Variants in OR3A2 observed in about 807,000 individuals in gnomAD.
OR3A2 encodes the protein olfactory receptor family 3 subfamily A member 2.
For synonymous variants in OR3A2, 126 were observed against 159.3 expected, an observed-to-expected ratio of 0.79 and a Z score of 1.57; for missense variants, 318 against 392.8, an observed-to-expected ratio of 0.81 and a Z score of 1.61.
At chr17:3,343,746 G>A (rs1229286283) in intron 2 of OR3A2, among the ~76,000 whole-genome samples, 1 of 152,096 alleles carries the variant, frequency 6.6e-6, no homozygotes, top group African/African-American at 2.4e-5. Context: ...AGCTTGCTTA[G>A]TGTCATATCA....
intron 2 of OR3A2, among the ~76,000 whole-genome samples, chr17:3,358,667 T>C (rs976881815): frequency 7.9e-5 from 12 of 151,806 alleles, no homozygotes; most frequent in Admixed American, 7.2e-4. Context: ...TTGGTTCTAT[T>C]ACATTTGTTG....
intron 3 of OR3A2, among the ~76,000 whole-genome samples, chr17:3,307,067 T>C (rs1021819101): frequency 6.6e-6 from 1 of 152,140 alleles, no homozygotes; most frequent in Non-Finnish European, 1.5e-5. Context: ...ACACAGGCAT[T>C]AGGGTCAACA....
At chr17:3,296,831 C>T (rs949100415) in intron 3 of OR3A2, among the ~76,000 whole-genome samples, 1 of 152,146 alleles carries the variant, frequency 6.6e-6, no homozygotes, top group Non-Finnish European at 1.5e-5. Context: ...ACCAACATTC[C>T]GCCATCCCCA....
At chr17:3,283,426 T>C (rs868643491) in intron 1 of OR3A2, among the ~76,000 whole-genome samples, 1 of 152,176 alleles carries the variant, frequency 6.6e-6, no homozygotes, top group East Asian at 1.9e-4. Flanking sequence ...GGTTTCTCCA[T>C]GTTGATCAGG....
intron 1 of OR3A2, among the ~76,000 whole-genome samples, chr17:3,281,202 C>A (rs1055605813): frequency 9.9e-5 from 15 of 151,740 alleles, no homozygotes; most frequent in Admixed American, 4.6e-4. Flanking sequence ...CCGATTAAAT[C>A]AGAATCTCCC....
intron 3 of OR3A2, among the ~76,000 whole-genome samples, chr17:3,334,343 A>G (rs2049262166): frequency 6.6e-6 from 1 of 152,142 alleles, no homozygotes; most frequent in Non-Finnish European, 1.5e-5. Flanking sequence ...CTATTCTACT[A>G]TCGTCATGAA....
At chr17:3,333,595 T>C (rs900009339) in intron 3 of OR3A2, among the ~76,000 whole-genome samples, 1 of 152,174 alleles carries the variant, frequency 6.6e-6, no homozygotes, top group Non-Finnish European at 1.5e-5. Flanking sequence ...GCTGTAAAAT[T>C]CCTCTCTTTG....
Position 3,328,541 on chromosome 17 carries a change from C to T in OR3A2, c.-85+7492G>A, listed in dbSNP as rs949003924. Among the ~76,000 whole-genome samples, 14 of 141,956 alleles carry T rather than the reference C, an allele frequency of 9.9e-5. No individual in the cohort carries two copies. The East Asian group carries it at 1.0e-3, about 10-fold the overall frequency. 93.1% of individuals were successfully genotyped at this position (141,956 alleles called of 152,430 possible). Reference sequence around the variant, plus strand: ...GACTTCCTCTTTTCCTAATTGAATACCCTTTATTTCCTTCTCCTGCCTAAT... The same window carrying T: ...GACTTCCTCTTTTCCTAATTGAATATCCTTTATTTCCTTCTCCTGCCTAAT... On this transcript the variant is annotated intron_variant, in intron 3 of 4. Transcript: ENST00000573491.
intron 2 of OR3A2, among the ~76,000 whole-genome samples, chr17:3,343,020 G>A (rs750611022): frequency 5.3e-5 from 8 of 152,336 alleles, no homozygotes; most frequent in South Asian, 2.1e-4. Context: ...GGACTGCTGC[G>A]CTAGCAGTGA....
chr17:3,291,885 G>T, intron 3 of OR3A2: 1 of 1,614,238 alleles, frequency 6.2e-7, no homozygotes, highest in Non-Finnish European at 8.5e-7. Flanking sequence ...GCCCTCTACA[G>T]AGCGAATTCG....
At chr17:3,357,566 A>T (rs1175841212) in intron 2 of OR3A2, among the ~76,000 whole-genome samples, 1 of 151,562 alleles carries the variant, frequency 6.6e-6, no homozygotes, top group Non-Finnish European at 1.5e-5. Context: ...GGAGAGGAGA[A>T]GGAGAGTTTT....
chr17:3,279,237 G>A, intron 1 of OR3A2, 84 bp from the exon 4 acceptor site: 1 of 378,054 alleles, frequency 2.6e-6, no homozygotes, highest in Non-Finnish European at 4.7e-6. Context: ...CCTCGCCACA[G>A]GGGGGAAATG....
chr17:3,379,018 A>C (rs948350787), intron 2 of OR3A2, among the ~76,000 whole-genome samples: 21 of 152,180 alleles, frequency 1.4e-4, no homozygotes, highest in African/African-American at 4.8e-4. Context: ...CTAGGGTCAA[A>C]AGCTAGTGGG....
chr17:3,359,401 T>C (rs1306507198), intron 2 of OR3A2, among the ~76,000 whole-genome samples: 1 of 151,724 alleles, frequency 6.6e-6, no homozygotes, highest in South Asian at 2.1e-4. Flanking sequence ...GTTTTTGTAT[T>C]AGCTGGCAGT....
intron 3 of OR3A2, among the ~76,000 whole-genome samples, chr17:3,295,176 G>GA (rs2048909551): frequency 6.6e-6 from 1 of 152,040 alleles, no homozygotes. Context: ...AAGGAGATAG[G>GA]AGGACGTATG....
chr17:3,302,131 A>G (rs1314611664), intron 3 of OR3A2, among the ~76,000 whole-genome samples: 2 of 152,234 alleles, frequency 1.3e-5, no homozygotes, highest in East Asian at 1.9e-4. Flanking sequence ...ATGCTCATGG[A>G]TAGGAAGAAT....
At chr17:3,324,208 T>C (rs1268838928) in intron 3 of OR3A2, among the ~76,000 whole-genome samples, 1 of 152,120 alleles carries the variant, frequency 6.6e-6, no homozygotes, top group African/African-American at 2.4e-5. Flanking sequence ...TTCAGCTCCA[T>C]CAGGTCTTTT....
chr17:3,357,879 T>A (rs1001229578), intron 2 of OR3A2, among the ~76,000 whole-genome samples: 3 of 151,546 alleles, frequency 2.0e-5, no homozygotes, highest in Non-Finnish European at 4.4e-5. Context: ...ATGTTATGTA[T>A]GTTTTACCAC....
chr17:3,300,335 G>A (rs909761944), intron 3 of OR3A2, among the ~76,000 whole-genome samples: 6 of 152,292 alleles, frequency 3.9e-5, no homozygotes, highest in Non-Finnish European at 4.4e-5. Flanking sequence ...AAGGTGGGGG[G>A]ATCACCTGAG....
Sources: allele counts gnomAD v4.1 joint callset (sites outside exome capture counted in the v4.1 genomes callset), GRCh38; gene constraint gnomAD v4.1.1; transcripts MANE v1.5; gene names NCBI Gene and HGNC (gene_info 2026-07-23, HGNC 2026-07-21).